The following NR3C2 variants were observed in gnomAD, a reference collection of about 807,000 sequenced individuals.
NR3C2 encodes nuclear receptor subfamily 3 group C member 2, also known as mineralocorticoid receptor.
In NR3C2, 15 loss-of-function variants were observed where a neutral mutation model predicts 86.4. The observed-to-expected ratio is 0.17, with a 90% confidence interval of 0.12 to 0.27. The LOEUF (loss-of-function observed/expected upper bound fraction) is 0.27, where lower values mean the gene tolerates loss of function less well. NR3C2 is among the 10% of genes least tolerant of loss of function. The probability of loss-of-function intolerance (pLI) is 1.00; values close to 1 mark genes in which losing one functional copy is unlikely to be tolerated. For missense variants in NR3C2, 960 were observed against 1,195.6 expected (o/e 0.80, Z 2.91); for synonymous variants, 458 against 450.5 (o/e 1.02, Z -0.21).
chr4:148,150,289 C>T (rs537599243), intron 6 of NR3C2, among the ~76,000 whole-genome samples: 1 of 152,334 alleles, frequency 6.6e-6, no homozygotes, highest in East Asian at 1.9e-4. Context: ...TACATTTCAT[C>T]AACTGATCTA....
chr4:148,389,011 G>T (rs2126482036), intron 2 of NR3C2, among the ~76,000 whole-genome samples: 1 of 152,328 alleles, frequency 6.6e-6, no homozygotes, highest in East Asian at 1.9e-4. Context: ...ACCTAATTGT[G>T]CTATGTATCA....
At chr4:148,268,237 C>T (rs1003236875) in intron 2 of NR3C2, among the ~76,000 whole-genome samples, 2 of 152,128 alleles carry the variant, frequency 1.3e-5, no homozygotes, top group Non-Finnish European at 2.9e-5. Flanking sequence ...CTGTGCCTGG[C>T]CTTGAGTCAC....
At chr4:148,187,903 G>A (rs1439437270) in intron 4 of NR3C2, among the ~76,000 whole-genome samples, 1 of 152,136 alleles carries the variant, frequency 6.6e-6, no homozygotes, top group Non-Finnish European at 1.5e-5. Flanking sequence ...TGTATAAGGT[G>A]AGGGATGAGG....
At chr4:148,390,555 C>T (rs72658603) in intron 2 of NR3C2, among the ~76,000 whole-genome samples, 24 of 152,238 alleles carry the variant, frequency 1.6e-4, no homozygotes, top group African/African-American at 4.1e-4. Flanking sequence ...CAGTACACTA[C>T]GGGCACTGTG....
intron 4 of NR3C2, among the ~76,000 whole-genome samples, chr4:148,181,025 G>A (rs1293235816): frequency 6.6e-6 from 1 of 152,024 alleles, no homozygotes; most frequent in African/African-American, 2.4e-5. Flanking sequence ...CGCTTTTCCT[G>A]TGACGTGTCC....
At chr4:148,257,163 C>T (rs927234061) in intron 3 of NR3C2, among the ~76,000 whole-genome samples, 1 of 152,188 alleles carries the variant, frequency 6.6e-6, no homozygotes, top group African/African-American at 2.4e-5. Flanking sequence ...CCAGAATTCT[C>T]TGCTTCTGTA....
At chr4:148,230,982 T>C (rs942319428) in intron 3 of NR3C2, among the ~76,000 whole-genome samples, 5 of 152,206 alleles carry the variant, frequency 3.3e-5, no homozygotes, top group African/African-American at 1.2e-4. Context: ...TTCTAAGATG[T>C]GTGTGGTGGT....
intron 3 of NR3C2, among the ~76,000 whole-genome samples, chr4:148,220,247 C>T (rs1472807556): frequency 1.3e-5 from 2 of 152,148 alleles, no homozygotes; most frequent in Non-Finnish European, 2.9e-5. Flanking sequence ...CCACCAAACC[C>T]AGATAATGTT....
chr4:148,083,415 C>T (rs1373185494), intron 8 of NR3C2, among the ~76,000 whole-genome samples: 1 of 152,154 alleles, frequency 6.6e-6, no homozygotes, highest in African/African-American at 2.4e-5. Flanking sequence ...TGGAGTGGAC[C>T]TCCAGCAAAC....
intron 2 of NR3C2, among the ~76,000 whole-genome samples, chr4:148,343,029 T>C (rs1211822416): frequency 6.6e-6 from 1 of 152,178 alleles, no homozygotes; most frequent in Non-Finnish European, 1.5e-5. Context: ...ATTTTGGAGA[T>C]TAATATGGTA....
At chr4:148,358,305 GTTCA>G (rs1471417517) in intron 2 of NR3C2, among the ~76,000 whole-genome samples, 2 of 152,070 alleles carry the variant, frequency 1.3e-5, no homozygotes, top group Non-Finnish European at 2.9e-5. Context: ...AAAATGATGA[GTTCA>G]TGTCCTTTGT....
At chr4:148,352,475 C>T (rs1196021611) in intron 2 of NR3C2, among the ~76,000 whole-genome samples, 4 of 152,022 alleles carry the variant, frequency 2.6e-5, no homozygotes, top group Admixed American at 2.6e-4. Context: ...TTGAGATTCT[C>T]TTCACCCAGG....
At chr4:148,202,801 GTATCT>G (rs1320905944) in intron 3 of NR3C2, among the ~76,000 whole-genome samples, 1 of 152,028 alleles carries the variant, frequency 6.6e-6, no homozygotes, top group Non-Finnish European at 1.5e-5. Flanking sequence ...CCCTTCCTCT[GTATCT>G]TGCTCCTTAA....
intron 3 of NR3C2, among the ~76,000 whole-genome samples, chr4:148,202,739 T>G (rs1477117312): frequency 6.6e-6 from 1 of 151,998 alleles, no homozygotes; most frequent in African/African-American, 2.4e-5. Context: ...CCATACAGAG[T>G]GAGCTCCTGA....
At chr4:148,375,064 A>G (rs1746604721) in intron 2 of NR3C2, among the ~76,000 whole-genome samples, 1 of 152,204 alleles carries the variant, frequency 6.6e-6, no homozygotes, top group Non-Finnish European at 1.5e-5. Flanking sequence ...TAAAGACAAT[A>G]AATAAAATCT....
intron 4 of NR3C2, among the ~76,000 whole-genome samples, chr4:148,161,331 ATGAG>A (rs1734649754): frequency 6.6e-6 from 1 of 152,138 alleles, no homozygotes; most frequent in Non-Finnish European, 1.5e-5. Flanking sequence ...GATATTCCAA[ATGAG>A]TGAGTACCCA....
chr4:148,189,489 T>C (rs1346490376), intron 4 of NR3C2, among the ~76,000 whole-genome samples: 1 of 152,188 alleles, frequency 6.6e-6, no homozygotes, highest in Non-Finnish European at 1.5e-5. Flanking sequence ...GCGATATCAG[T>C]CTGTAGTTTT....
chr4:148,399,711 T>C (rs914552287), intron 2 of NR3C2, among the ~76,000 whole-genome samples: 5 of 148,518 alleles, frequency 3.4e-5, no homozygotes, highest in African/African-American at 1.3e-4. Flanking sequence ...CACACACACA[T>C]ACATATATAC....
At chr4:148,214,459 T>C (rs1737427010) in intron 3 of NR3C2, among the ~76,000 whole-genome samples, 1 of 152,122 alleles carries the variant, frequency 6.6e-6, no homozygotes, top group Admixed American at 6.5e-5. Context: ...AAAACAAAAA[T>C]AAAAATTTTC....
Sources: allele counts gnomAD v4.1 joint callset (sites outside exome capture counted in the v4.1 genomes callset), GRCh38; gene constraint gnomAD v4.1.1; transcripts MANE v1.5; gene names NCBI Gene and HGNC (gene_info 2026-07-23, HGNC 2026-07-21).